The following PTPN3 variants were observed in gnomAD, a reference collection of about 807,000 sequenced individuals.
PTPN3 encodes protein tyrosine phosphatase non-receptor type 3.
A neutral mutation model predicts 132.7 loss-of-function variants in PTPN3; 96 were observed. That is an observed-to-expected ratio of 0.72 (90% CI 0.61 to 0.86). The LOEUF is 0.86. Among genes scored for constraint, PTPN3 ranks in the 40% least tolerant of loss-of-function variants. PTPN3 has a pLI of 0.00. For synonymous variants in PTPN3, 398 were observed against 429.0 expected (o/e 0.93, Z 0.89); for missense variants, 1,125 against 1,159.6 (o/e 0.97, Z 0.43).
At chr9:109,431,402 C>T (rs537555467) in intron 10 of PTPN3, among the ~76,000 whole-genome samples, 5 of 152,324 alleles carry the variant, frequency 3.3e-5, no homozygotes, top group South Asian at 2.1e-4. Context: ...AGGAAGCCCC[C>T]GGCATCTGGA....
chr9:109,514,463 C>T, the PTPN3 span, among the ~76,000 whole-genome samples: 9 of 152,104 alleles, frequency 5.9e-5, no homozygotes, highest in Admixed American at 5.2e-4. Flanking sequence ...GGTTTTCATT[C>T]ATTCAGGAAA....
chr9:109,417,623 G>C, intron 14 of PTPN3: 2 of 985,108 alleles, frequency 2.0e-6, no homozygotes, highest in Non-Finnish European at 2.4e-6. Flanking sequence ...CCTCAGGAGG[G>C]CCAGCCTCCT....
chr9:109,465,641 G>A (rs935088903), intron 1 of PTPN3, among the ~76,000 whole-genome samples: 4 of 147,360 alleles, frequency 2.7e-5, no homozygotes, highest in Admixed American at 6.8e-5. Context: ...CCCAGGAGGC[G>A]GAGGCTGCAG....
intron 10 of PTPN3, 21 bp downstream of exon 10, chr9:109,433,052 A>G: frequency 6.2e-7 from 1 of 1,612,042 alleles, no homozygotes; most frequent in Non-Finnish European, 8.5e-7. Context: ...TCAGAAAATA[A>G]TGAGAACTGT....
At chr9:109,503,948 C>T in the PTPN3 span, among the ~76,000 whole-genome samples, 3 of 152,192 alleles carry the variant, frequency 2.0e-5, no homozygotes, top group East Asian at 1.9e-4. Flanking sequence ...ATGGAGCATA[C>T]GGTCTAATAG....
At chr9:109,496,481 A>C (rs1468002402) in intron 1 of PTPN3, among the ~76,000 whole-genome samples, 4 of 152,240 alleles carry the variant, frequency 2.6e-5, no homozygotes, top group Non-Finnish European at 5.9e-5. Context: ...GCTCTACCAC[A>C]TACTGTGTAA....
the PTPN3 span, chr9:109,532,805 G>T: frequency 1.5e-6 from 1 of 680,468 alleles, no homozygotes; most frequent in Admixed American, 4.4e-5. Flanking sequence ...TACACCGGTT[G>T]ATGATAGAGA....
chr9:109,398,527 G>A (rs1339271839), intron 19 of PTPN3, among the ~76,000 whole-genome samples: 1 of 152,196 alleles, frequency 6.6e-6, no homozygotes, highest in Non-Finnish European at 1.5e-5. Context: ...GGTGAAGATG[G>A]TGGATGCTGA....
intron 1 of PTPN3, among the ~76,000 whole-genome samples, chr9:109,474,881 C>T (rs1359990638): frequency 6.6e-6 from 1 of 152,136 alleles, no homozygotes; most frequent in Admixed American, 6.5e-5. Flanking sequence ...ACTGCTTACC[C>T]TCTCTGAGAC....
At chr9:109,440,796 T>C (rs1376139086) in intron 7 of PTPN3, among the ~76,000 whole-genome samples, 2 of 152,230 alleles carry the variant, frequency 1.3e-5, no homozygotes, top group East Asian at 3.8e-4. Flanking sequence ...GGCAAGTTGC[T>C]GACAAATGTT....
chr9:109,478,991 A>C (rs1588493285), intron 1 of PTPN3, among the ~76,000 whole-genome samples: 1 of 150,012 alleles, frequency 6.7e-6, no homozygotes, highest in African/African-American at 2.4e-5. Context: ...TGTTCTTTTA[A>C]ATCTCCGGTA....
chr9:109,471,761 A>G (rs1036881884), intron 1 of PTPN3, among the ~76,000 whole-genome samples: 6 of 151,994 alleles, frequency 3.9e-5, no homozygotes, highest in African/African-American at 1.4e-4. Flanking sequence ...TGCCTCAGGC[A>G]TCCTAAGAAG....
At position 109,378,924 on chromosome 9, in the gene PTPN3, AG is replaced by A. The variant is rs1231273541; in HGVS notation, c.*631del. 2.0e-5 allele frequency: 3 copies of A among 152,630 alleles called. No homozygotes were observed. The East Asian group carries it at 5.8e-4, about 29-fold the overall frequency. The allele number at this position is 152,630 out of a possible 1,614,324, so 9.5% of individuals were successfully genotyped here. A position where few individuals can be genotyped will look rare whatever the true frequency, so the allele number is the denominator to read the frequency against. ...TTACTAATCCAGGTTAGGCACCAAG[AG>A]GGAACCTGAAGAGGGACACAATTCT... is the stretch of plus-strand genomic sequence containing the variant. On this transcript the variant is annotated 3_prime_UTR_variant, in exon 26 of 26. Coordinates refer to ENST00000374541, the MANE Select transcript of PTPN3 (RefSeq NM_002829.4).
Position 109,436,975 on chromosome 9 carries a change from G to A in PTPN3, c.588-5C>T, listed in dbSNP as rs373803641. 219 of 1,613,306 alleles carry A rather than the reference G, an allele frequency of 1.4e-4. No homozygotes were observed. The highest frequency in any genetic ancestry group is 2.2e-4 in the Admixed American group (13 of 59,884). ...GCTTCTGATTGTTTTAGCCCACTAC[G>A]GAAGAAAAGACAAAAAGCAGAGTTC... is the stretch of plus-strand genomic sequence containing the variant. On this transcript the variant is annotated splice_polypyrimidine_tract_variant and splice_region_variant and intron_variant, in intron 8 of 25. Transcript: ENST00000374541.
At chr9:109,420,201 C>T (rs970244372) in intron 14 of PTPN3, among the ~76,000 whole-genome samples, 1 of 152,104 alleles carries the variant, frequency 6.6e-6, no homozygotes, top group African/African-American at 2.4e-5. Context: ...AAGTCTTTGT[C>T]GTGGACAAAA....
the PTPN3 span, among the ~76,000 whole-genome samples, chr9:109,520,025 G>T: frequency 6.6e-6 from 1 of 152,112 alleles, no homozygotes; most frequent in African/African-American, 2.4e-5. Flanking sequence ...CAGGCGTGGT[G>T]GTGGGTGCCT....
the PTPN3 span, among the ~76,000 whole-genome samples, chr9:109,528,631 G>T: frequency 1.3e-5 from 2 of 152,148 alleles, no homozygotes; most frequent in African/African-American, 4.8e-5. Context: ...TGATCAGGAT[G>T]GTCATGTCAA....
chr9:109,520,624 T>C, the PTPN3 span, among the ~76,000 whole-genome samples: 3 of 152,214 alleles, frequency 2.0e-5, no homozygotes, highest in Non-Finnish European at 2.9e-5. Context: ...TCCTTTTGGA[T>C]TGGCAAGTAT....
At position 109,410,264 on chromosome 9, in the gene PTPN3, AGC is replaced by A. The variant is rs753258051; in HGVS notation, c.1463_1464del (p.Gly488ValfsTer11). On this transcript the variant is annotated frameshift_variant, in exon 15 of 26. Transcript: ENST00000374541. LOFTEE classifies it high-confidence loss of function. ...TAGTACTGGCTGGCGTCCTCGGTGG[AGC>A]CCCCTTTGGTCACCCTGTGGAAGTC... is the stretch of plus-strand genomic sequence containing the variant. ...LDDFHRVTKG[G>X]STEDASQYYC... is the part of the protein sequence containing the mutation. The A allele has an allele frequency of 2.5e-6, 4 of 1,613,750 alleles. No homozygotes were observed. Among genetic ancestry groups the A allele is most frequent in the Non-Finnish European group, 3.4e-6 (4 of 1,179,936 alleles).
Sources: gnomAD v4.1 joint callset for allele counts (sites outside exome capture counted in the v4.1 genomes callset) on GRCh38, gnomAD v4.1.1 for gene constraint, MANE v1.5 for transcripts, NCBI Gene and HGNC (gene_info 2026-07-23, HGNC 2026-07-21) for gene names.